The following SLC12A6 variants were observed in gnomAD, a reference collection of about 807,000 sequenced individuals.
The protein encoded by SLC12A6 is K-Cl cotransporter 3.
SLC12A6 carries 66 observed loss-of-function variants against 135.3 expected under a neutral mutation model. That is an observed-to-expected ratio of 0.49 (90% confidence interval 0.40 to 0.60). SLC12A6 has a LOEUF of 0.60. SLC12A6 is among the 20% of genes least tolerant of loss of function. The pLI, the probability that SLC12A6 is intolerant of heterozygous loss-of-function variation, is 0.00. For missense variants in SLC12A6, 1,058 were observed against 1,452.3 expected (o/e 0.73, Z 4.41); for synonymous variants, 513 against 508.8 (o/e 1.01, Z -0.11).
At chr15:34,285,621 G>GA (rs1469116755) in intron 2 of SLC12A6, among the ~76,000 whole-genome samples, 2 of 148,248 alleles carry the variant, frequency 1.3e-5, no homozygotes, top group Non-Finnish European at 3.0e-5. Flanking sequence ...ATGGCAGTAA[G>GA]AAAAAATTCA....
chr15:34,230,120 C>A lies in SLC12A6; in HGVS notation c.*3761G>T. 2 of 306,054 alleles carry A rather than the reference C, an allele frequency of 6.5e-6. No individual in the cohort carries two copies. The highest frequency in any genetic ancestry group is 5.9e-5 in the East Asian group (1 of 17,088). The allele number at this position is 306,054 out of a possible 1,614,324, so 19.0% of individuals were successfully genotyped here. A position where few individuals can be genotyped will look rare whatever the true frequency, so the allele number is the denominator to read the frequency against. ...CAAGAACTGTTGCAGCATCTCCTTT[C>A]AATAAATTAAATGGTTGAGAACAAT... On this transcript the variant is annotated 3_prime_UTR_variant, in exon 26 of 26. Transcript: ENST00000354181.
In SLC12A6 at chr15:34,231,449, G is replaced by T. The variant is rs1372920407; in HGVS notation, c.*2432C>A. 1 of 151,958 alleles carries T rather than the reference G, an allele frequency of 6.6e-6. No homozygotes were observed. The highest frequency in any genetic ancestry group is 2.4e-5 in the African/African-American group (1 of 41,350). 9.4% of individuals were successfully genotyped at this position (151,958 alleles called of 1,614,324 possible). ...TAAGCAATGGAGTGTTGCAGTGGGA[G>T]TTGTAAATAATGCTTCTACCATCTG... On this transcript the variant is annotated 3_prime_UTR_variant, in exon 26 of 26. Transcript: ENST00000354181.
chr15:34,240,258 G>C (rs1351694140), intron 19 of SLC12A6, among the ~76,000 whole-genome samples: 1 of 152,110 alleles, frequency 6.6e-6, no homozygotes. Context: ...AGTGGCAAAG[G>C]AATCTTGCTC....
chr15:34,250,623 A>G lies in SLC12A6; in HGVS notation c.1591+8T>C. On this transcript the variant is annotated splice_region_variant and intron_variant, in intron 12 of 25. Transcript: ENST00000354181. ...CTAAGACTCAGACTGGATCCATAAAAAGGATACAAACAAAGGAGGTGGTCA... is the reference window on the plus strand; with the variant it reads ...CTAAGACTCAGACTGGATCCATAAAGAGGATACAAACAAAGGAGGTGGTCA... 1 of 1,455,296 alleles carries G rather than the reference A, an allele frequency of 6.9e-7. No individual in the cohort carries two copies. Among genetic ancestry groups the G allele is most frequent in the Non-Finnish European group, 9.7e-7 (1 of 1,035,336 alleles). The allele number at this position is 1,455,296 out of a possible 1,614,324, so 90.1% of individuals were successfully genotyped here. A position where few individuals can be genotyped will look rare whatever the true frequency, so the allele number is the denominator to read the frequency against.
intron 2 of SLC12A6, among the ~76,000 whole-genome samples, chr15:34,282,475 G>C (rs949196043): frequency 2.6e-5 from 4 of 152,140 alleles, no homozygotes; most frequent in Non-Finnish European, 5.9e-5. Flanking sequence ...CTCCCTGGCT[G>C]GGCACAGTGC....
In SLC12A6 at chr15:34,245,409, C is replaced by A. The variant is rs372220263; in HGVS notation, c.1825-6G>T. The stretch of plus-strand genomic sequence containing the variant: ...GCTTTGCTGTGGCCAAAAACCTGTA[C>A]ACAGAAGGGAAATATCAGGCACAGG... On this transcript the variant is annotated splice_polypyrimidine_tract_variant and splice_region_variant and intron_variant, in intron 14 of 25. Coordinates refer to ENST00000354181, the MANE Select transcript of SLC12A6 (RefSeq NM_001365088.1). 2.7e-6 allele frequency: 4 copies of A among 1,501,580 alleles called. No homozygotes were observed. The highest frequency in any genetic ancestry group is 2.3e-5 in the East Asian group (1 of 44,356). The allele number at this position is 1,501,580 out of a possible 1,614,324, so 93.0% of individuals were successfully genotyped here.
intron 3 of SLC12A6, among the ~76,000 whole-genome samples, chr15:34,264,624 T>C (rs1196778633): frequency 6.6e-6 from 1 of 152,158 alleles, no homozygotes; most frequent in Non-Finnish European, 1.5e-5. Context: ...TAAAAAGGCA[T>C]TTTTGAAACA....
Position 34,229,942 on chromosome 15 carries a change from A to G in SLC12A6, c.*3939T>C. ...CCATGGTGGGGTGACAGGTCCTAGAAGGACAATGTGCATATTACGACAAAC... is the reference window on the plus strand; with the variant it reads ...CCATGGTGGGGTGACAGGTCCTAGAGGGACAATGTGCATATTACGACAAAC... On this transcript the variant is annotated 3_prime_UTR_variant, in exon 26 of 26. Coordinates refer to ENST00000354181, the MANE Select transcript of SLC12A6 (RefSeq NM_001365088.1). 1.4e-6 allele frequency: 1 copy of G among 718,822 alleles called. No homozygotes were observed. The highest frequency in any genetic ancestry group is 2.5e-6 in the Non-Finnish European group (1 of 405,378). The allele number at this position is 718,822 out of a possible 1,614,324, so 44.5% of individuals were successfully genotyped here. A position where few individuals can be genotyped will look rare whatever the true frequency, so the allele number is the denominator to read the frequency against.
intron 2 of SLC12A6, among the ~76,000 whole-genome samples, chr15:34,296,294 C>T (rs1037020377): frequency 2.0e-5 from 3 of 151,950 alleles, no homozygotes; most frequent in Non-Finnish European, 4.4e-5. Flanking sequence ...TAGTAACTTA[C>T]ACATAGTAAC....
At chr15:34,332,291 C>T (rs1436335133) in intron 2 of SLC12A6, among the ~76,000 whole-genome samples, 3 of 152,296 alleles carry the variant, frequency 2.0e-5, no homozygotes, top group Middle Eastern at 3.4e-3. Context: ...AGTGCCTTAT[C>T]CTTAACTCAT....
At chr15:34,301,015 C>T (rs1053966640) in intron 2 of SLC12A6, among the ~76,000 whole-genome samples, 1 of 152,060 alleles carries the variant, frequency 6.6e-6, no homozygotes, top group African/African-American at 2.4e-5. Context: ...GTTGTCCAGG[C>T]TGGAGTGCAA....
At chr15:34,240,940 T>C (rs1891601427) in intron 18 of SLC12A6, 111 bp from the exon 19 acceptor site, 2 of 862,952 alleles carry the variant, frequency 2.3e-6, no homozygotes, top group Admixed American at 2.0e-5. Context: ...AACAGGTAAT[T>C]TGACAGAAGG....
Position 34,254,357 on chromosome 15 carries a change from G to A in SLC12A6, c.1109C>T (p.Pro370Leu), listed in dbSNP as rs774246639. 1.1e-5 allele frequency: 18 copies of A among 1,613,484 alleles called. No individual in the cohort carries two copies. The highest frequency in any genetic ancestry group is 1.4e-5 in the Non-Finnish European group (17 of 1,179,508). The stretch of plus-strand genomic sequence containing the variant: ...AGAGACAGACACGTACGGGAAGTGT[G>A]GAGGAGCAAAAGAAGACTTGATGGC... ...AGAIKSSFAPPHFPVCMLGNR... is the reference protein window; with the variant it reads ...AGAIKSSFAPLHFPVCMLGNR... Residue 370 changes from proline to leucine, a missense_variant, in exon 9 of 26, where the codon CCA becomes CTA. Pro to Leu is a moderately conservative substitution (Grantham distance 98, BLOSUM62 -3). Coordinates refer to ENST00000354181, the MANE Select transcript of SLC12A6 (RefSeq NM_001365088.1).
intron 2 of SLC12A6, among the ~76,000 whole-genome samples, chr15:34,322,566 A>G (rs1889171143): frequency 6.6e-6 from 1 of 152,188 alleles, no homozygotes; most frequent in African/African-American, 2.4e-5. Context: ...TGCATACAAT[A>G]GGATAGATGG....
rs909981639 is a variant in SLC12A6 at position 34,270,249 on chromosome 15, G to A, written c.316+5096C>T. Among the ~76,000 whole-genome samples, 10 of 151,552 alleles carry A rather than the reference G, an allele frequency of 6.6e-5. 1 individual carries two copies. Among genetic ancestry groups the A allele is most frequent in the African/African-American group, 2.4e-4 (10 of 40,900 alleles). On this transcript the variant is annotated intron_variant, in intron 3 of 25. Coordinates refer to ENST00000354181, the MANE Select transcript of SLC12A6 (RefSeq NM_001365088.1). ...ACTACAGGTGTGTGCCACCATGCCA[G>A]GCTAATTATTTTTTGCTTTTTTGTA...
At chr15:34,279,044 C>T (rs1404074306) in intron 2 of SLC12A6, among the ~76,000 whole-genome samples, 3 of 151,840 alleles carry the variant, frequency 2.0e-5, no homozygotes, top group East Asian at 1.9e-4. Context: ...AGGCTAGGAG[C>T]GGTGGCTCAC....
intron 3 of SLC12A6, among the ~76,000 whole-genome samples, chr15:34,261,383 G>A (rs1426923206): frequency 6.6e-6 from 1 of 151,958 alleles, no homozygotes; most frequent in African/African-American, 2.4e-5. Context: ...TGCAACCTCC[G>A]CCTCCCTGGT....
At position 34,286,410 on chromosome 15, in the gene SLC12A6, TG is replaced by T. The variant is rs1895082675; in HGVS notation, c.272-11022del. On this transcript the variant is annotated intron_variant, in intron 2 of 25. Transcript: ENST00000354181. ...TTTTTTAAGCCACAATTTAAAAAAT[TG>T]TATTTGACTCCGTAGTCTTTTGGCT... 5.3e-5 allele frequency among the ~76,000 whole-genome samples: 8 copies of T among 151,966 alleles called. No homozygotes were observed. The South Asian group carries it at 1.7e-3, about 32-fold the overall frequency.
At chr15:34,279,625 G>A (rs1894537920) in intron 2 of SLC12A6, among the ~76,000 whole-genome samples, 1 of 152,142 alleles carries the variant, frequency 6.6e-6, no homozygotes, top group Non-Finnish European at 1.5e-5. Flanking sequence ...GCCTAAGACT[G>A]GGAGTTGTCC....
Sources: allele counts gnomAD v4.1 joint callset (sites outside exome capture counted in the v4.1 genomes callset), GRCh38; gene constraint gnomAD v4.1.1; transcripts MANE v1.5; gene names NCBI Gene and HGNC (gene_info 2026-07-23, HGNC 2026-07-21).